ADCY5: variants seen among roughly 807,000 people sequenced by gnomAD.
The protein encoded by ADCY5 is adenylate cyclase type 5.
In ADCY5, 30 loss-of-function variants were observed where a neutral mutation model predicts 119.7. The observed-to-expected ratio is 0.25, with a 90% CI of 0.19 to 0.34. ADCY5 has a LOEUF of 0.34. Ranked by LOEUF, ADCY5 falls within the 10% of genes least tolerant of loss-of-function variation. The pLI, the probability that ADCY5 is intolerant of heterozygous loss-of-function variation, is 1.00. For synonymous variants in ADCY5, 753 were observed against 762.2 expected (o/e 0.99, Z 0.20); for missense variants, 1,324 against 1,775.2 (o/e 0.75, Z 4.57).
At chr3:123,371,633 G>T (rs532310704) in intron 1 of ADCY5, among the ~76,000 whole-genome samples, 4 of 152,234 alleles carry the variant, frequency 2.6e-5, no homozygotes, top group Admixed American at 1.3e-4. Flanking sequence ...TCTCAGCCAG[G>T]CCTGGAGGAT....
intron 17 of ADCY5, among the ~76,000 whole-genome samples, chr3:123,291,720 A>G: frequency 6.6e-6 from 1 of 152,230 alleles, no homozygotes; most frequent in East Asian, 1.9e-4. Context: ...GGCCAGAACC[A>G]GGCTGGAAGG....
At chr3:123,444,529 T>C (rs1945778988) in intron 1 of ADCY5, among the ~76,000 whole-genome samples, 1 of 152,096 alleles carries the variant, frequency 6.6e-6, no homozygotes, top group African/African-American at 2.4e-5. Flanking sequence ...AGAAACACCA[T>C]CCCACCAAGA....
chr3:123,352,657 T>C lies in ADCY5; in HGVS notation c.1135-76A>G, dbSNP rs1193576071. 3 of 1,491,434 alleles carry C rather than the reference T, an allele frequency of 2.0e-6. No homozygotes were observed. The East Asian group carries it at 7.1e-5, about 35-fold the overall frequency. 92.4% of individuals were successfully genotyped at this position (1,491,434 alleles called of 1,614,324 possible). On this transcript the variant is annotated intron_variant, in intron 1 of 20. Transcript: ENST00000462833. This position sits in a 1 kb window ranked among gnomAD's most constrained non-coding sequence, Gnocchi z 4.8. ...CCCAAAGCATGAAGCCCTCAGCCCC[T>C]GTCTCAGCAAACTCACACCTGGCGC...
chr3:123,373,535 C>T (rs182643904), intron 1 of ADCY5, among the ~76,000 whole-genome samples: 9 of 152,316 alleles, frequency 5.9e-5, no homozygotes, highest in East Asian at 3.9e-4. Context: ...CTCACAGAAA[C>T]GACTCCTTGC....
intron 1 of ADCY5, among the ~76,000 whole-genome samples, chr3:123,379,380 C>A (rs1943951880): frequency 6.6e-6 from 1 of 152,066 alleles, no homozygotes; most frequent in African/African-American, 2.4e-5. Context: ...GGAGCATGAC[C>A]TTCCTGGACC....
At position 123,365,262 on chromosome 3, in the gene ADCY5, T is replaced by C. The variant is rs377632957; in HGVS notation, c.1135-12681A>G. On this transcript the variant is annotated intron_variant, in intron 1 of 20. Coordinates refer to ENST00000462833, the MANE Select transcript of ADCY5 (RefSeq NM_183357.3). ...GTAAGCCACCGCGCCCAGCCTTCAT[T>C]TAATATTGTAACGTAAGCATGTTCC... 1.9e-4 allele frequency among the ~76,000 whole-genome samples: 29 copies of C among 152,278 alleles called. No individual in the cohort carries two copies. The East Asian group carries it at 3.3e-3, about 17-fold the overall frequency.
chr3:123,354,383 G>A (rs750585910), intron 1 of ADCY5, among the ~76,000 whole-genome samples: 2 of 152,156 alleles, frequency 1.3e-5, no homozygotes, highest in African/African-American at 2.4e-5. Flanking sequence ...GCGTGTGGCT[G>A]GGAGCCATTC....
chr3:123,382,899 T>C (rs67488070), intron 1 of ADCY5, among the ~76,000 whole-genome samples: 25,036 of 152,220 alleles, frequency 0.16, 2,194 homozygotes, highest in East Asian at 0.36. Context: ...GGTTACAAGA[T>C]AAATTTTATG....
chr3:123,419,827 C>T (rs1301555220), intron 1 of ADCY5, among the ~76,000 whole-genome samples: 1 of 152,054 alleles, frequency 6.6e-6, no homozygotes, highest in Non-Finnish European at 1.5e-5. Flanking sequence ...GCTCAGCTCC[C>T]CTCCTCCTCC....
chr3:123,363,576 G>A (rs1943333032), intron 1 of ADCY5, among the ~76,000 whole-genome samples: 1 of 152,164 alleles, frequency 6.6e-6, no homozygotes, highest in South Asian at 2.1e-4. Flanking sequence ...ACAATTAGGA[G>A]CAGCTAAATG....
chr3:123,299,807 G>A (rs1939727421), intron 15 of ADCY5, among the ~76,000 whole-genome samples: 1 of 152,238 alleles, frequency 6.6e-6, no homozygotes, highest in African/African-American at 2.4e-5. Context: ...GCCCGGCTCT[G>A]CTGGACCGTG....
chr3:123,403,295 T>C (rs1020831311), intron 1 of ADCY5, among the ~76,000 whole-genome samples: 2 of 149,688 alleles, frequency 1.3e-5, no homozygotes, highest in Non-Finnish European at 2.9e-5. Context: ...TGGGATTCCT[T>C]GAACCTGGGA....
In ADCY5 at chr3:123,346,482, C is replaced by T. The variant is rs114559930; in HGVS notation, c.1406+1300G>A. 4.8e-3 allele frequency among the ~76,000 whole-genome samples: 737 copies of T among 152,270 alleles called. 3 individuals carry two copies. The highest frequency in any genetic ancestry group is 0.017 in the African/African-American group (714 of 41,564). ...GGCTTAGAGTCTCAGTTTTGAGAGA[C>T]AGATGGAAGACATGCAGTCAGGATC... is the stretch of plus-strand genomic sequence containing the variant. On this transcript the variant is annotated intron_variant, in intron 3 of 20. Transcript: ENST00000462833.
chr3:123,292,739 T>A (rs573664159), intron 17 of ADCY5, among the ~76,000 whole-genome samples: 45 of 152,280 alleles, frequency 3.0e-4, no homozygotes, highest in Non-Finnish European at 4.7e-4. Flanking sequence ...GGGGCATCCC[T>A]GTGCTTCTTC....
intron 1 of ADCY5, among the ~76,000 whole-genome samples, chr3:123,375,354 T>C (rs922714001): frequency 6.6e-6 from 1 of 152,206 alleles, no homozygotes; most frequent in African/African-American, 2.4e-5. Flanking sequence ...AACCAGACGC[T>C]AAGTTTTCTC....
At chr3:123,319,866 C>A (rs1474982305) in intron 9 of ADCY5, 48 bp from the exon 10 acceptor site, 1 of 1,599,626 alleles carries the variant, frequency 6.3e-7, no homozygotes, top group Non-Finnish European at 8.6e-7. Context: ...CACAGGGGCA[C>A]CAGCAGAGGG....
At chr3:123,383,071 C>T (rs1944085413) in intron 1 of ADCY5, among the ~76,000 whole-genome samples, 1 of 152,206 alleles carries the variant, frequency 6.6e-6, no homozygotes, top group East Asian at 1.9e-4. Flanking sequence ...ACCCCAGGGC[C>T]CCGAGCCTTG....
chr3:123,367,852 A>C, intron 1 of ADCY5: 1 of 1,070,240 alleles, frequency 9.3e-7, no homozygotes, highest in South Asian at 1.8e-5. Context: ...AATCCAGAAG[A>C]AAAAAAAAAA....
chr3:123,308,332 C>A (rs967663047), intron 12 of ADCY5, among the ~76,000 whole-genome samples: 2 of 151,872 alleles, frequency 1.3e-5, no homozygotes, highest in African/African-American at 4.8e-5. Context: ...CCACTGCACC[C>A]GGCCACACTC....
Sources: allele counts gnomAD v4.1 joint callset (sites outside exome capture counted in the v4.1 genomes callset), GRCh38; gene constraint gnomAD v4.1.1; non-coding constraint Gnocchi (gnomAD v3.1); transcripts MANE v1.5; gene names NCBI Gene and HGNC (gene_info 2026-07-23, HGNC 2026-07-21).